The following CTNNA3 variants were observed in gnomAD, a reference collection of about 807,000 sequenced individuals.
CTNNA3 encodes catenin alpha-3.
In CTNNA3, 76 loss-of-function variants were observed where a neutral mutation model predicts 95.7. That is an observed-to-expected ratio of 0.79 (90% CI 0.66 to 0.96). The LOEUF is 0.96. CTNNA3 is among the 40% of genes least tolerant of loss of function. The pLI is 0.00. For synonymous variants in CTNNA3, 431 were observed against 374.4 expected (o/e 1.15, Z -1.74); for missense variants, 1,191 against 1,089.8 (o/e 1.09, Z -1.31).
intron 5 of CTNNA3, among the ~76,000 whole-genome samples, chr10:67,252,627 G>A (rs1000463382): frequency 2.0e-5 from 3 of 152,124 alleles, no homozygotes; most frequent in Non-Finnish European, 2.9e-5. Flanking sequence ...ATGCCCACAG[G>A]ATGACATGAA....
intron 13 of CTNNA3, among the ~76,000 whole-genome samples, chr10:66,274,152 T>A (rs1312794413): frequency 6.6e-6 from 1 of 152,210 alleles, no homozygotes; most frequent in Non-Finnish European, 1.5e-5. Flanking sequence ...TGAGCCATTA[T>A]AGTCTCCTCA....
rs1279977520 is a variant in CTNNA3, at chr10:66,775,455, G to A, written c.1117C>T (p.Leu373Phe). The change falls in exon 8 of 18, where the codon CTT (leucine) becomes TTT (phenylalanine). Residue 373 changes from leucine (L) to phenylalanine (F), a missense_variant. Physicochemically the swap from Leu to Phe is conservative, Grantham distance 22 (BLOSUM62 0). Coordinates refer to ENST00000433211, the MANE Select transcript of CTNNA3 (RefSeq NM_013266.4). ...LDNMCKKTRD[L>F]RRQLRKAIID... Reference sequence around the variant, plus strand: ...CTCTCTTCCCTCACCTGTCTGCGAAGGTCTCTTGTCTTCTTACACATGTTG... The same window carrying A: ...CTCTCTTCCCTCACCTGTCTGCGAAAGTCTCTTGTCTTCTTACACATGTTG... The A allele has an allele frequency of 1.2e-6, 2 of 1,608,894 alleles. No homozygotes were observed. Among genetic ancestry groups the A allele is most frequent in the Admixed American group, 3.4e-5 (2 of 59,444 alleles).
At chr10:66,686,531 T>C (rs1163601224) in intron 9 of CTNNA3, among the ~76,000 whole-genome samples, 1 of 152,196 alleles carries the variant, frequency 6.6e-6, no homozygotes, top group African/African-American at 2.4e-5. Context: ...TTTTCTTTTC[T>C]TCTCTCTACT....
At chr10:67,638,009 A>C (rs1839384031) in intron 2 of CTNNA3, among the ~76,000 whole-genome samples, 1 of 152,208 alleles carries the variant, frequency 6.6e-6, no homozygotes, top group Non-Finnish European at 1.5e-5. Flanking sequence ...ATTCACACAT[A>C]ACAATATTAA....
chr10:67,166,784 A>T (rs928681333), intron 7 of CTNNA3, among the ~76,000 whole-genome samples: 2 of 152,208 alleles, frequency 1.3e-5, no homozygotes, highest in Admixed American at 6.5e-5. Context: ...ATTGTGTAAG[A>T]AGCCATTGCA....
chr10:67,449,683 G>A (rs1273716805), intron 5 of CTNNA3, among the ~76,000 whole-genome samples: 1 of 152,042 alleles, frequency 6.6e-6, no homozygotes, highest in African/African-American at 2.4e-5. Context: ...AGACTTAAAT[G>A]TAAAATCCAA....
At chr10:67,414,428 G>T (rs1230570092) in intron 5 of CTNNA3, among the ~76,000 whole-genome samples, 1 of 152,052 alleles carries the variant, frequency 6.6e-6, no homozygotes, top group African/African-American at 2.4e-5. Flanking sequence ...TTCTGAAATT[G>T]AATCAATAAT....
intron 7 of CTNNA3, among the ~76,000 whole-genome samples, chr10:66,990,012 C>T (rs16923892): frequency 0.016 from 2,456 of 152,200 alleles, 90 homozygotes; most frequent in East Asian, 0.16. Context: ...ATATATTATA[C>T]GAAGAGAAAT....
chr10:67,345,276 G>C (rs1842367235), intron 5 of CTNNA3, among the ~76,000 whole-genome samples: 1 of 152,038 alleles, frequency 6.6e-6, no homozygotes, highest in Non-Finnish European at 1.5e-5. Context: ...CTATCCTTGA[G>C]AATAATCCAC....
chr10:66,478,532 CA>C (rs1489809681), intron 11 of CTNNA3, among the ~76,000 whole-genome samples: 1 of 151,506 alleles, frequency 6.6e-6, no homozygotes, highest in East Asian at 1.9e-4. Context: ...CATATGTAAA[CA>C]AATTTCACTG....
chr10:65,959,547 C>T (rs1326748571), intron 17 of CTNNA3, among the ~76,000 whole-genome samples: 1 of 152,096 alleles, frequency 6.6e-6, no homozygotes, highest in East Asian at 1.9e-4. Flanking sequence ...TGTTTTGAGA[C>T]AAGGTCTGGC....
At chr10:65,966,508 T>G in intron 17 of CTNNA3, 104 bp downstream of exon 17, 1 of 1,001,482 alleles carries the variant, frequency 1.0e-6, no homozygotes, top group East Asian at 2.7e-5. Flanking sequence ...TTAGTTTTTC[T>G]AAACTAATTT....
intron 15 of CTNNA3, among the ~76,000 whole-genome samples, chr10:66,004,481 T>C (rs1467170710): frequency 6.6e-6 from 1 of 152,130 alleles, no homozygotes; most frequent in Non-Finnish European, 1.5e-5. Context: ...TTTTGGTTCA[T>C]AGAGACATGT....
intron 12 of CTNNA3, among the ~76,000 whole-genome samples, chr10:66,304,109 A>C (rs1044226823): frequency 6.6e-6 from 1 of 152,166 alleles, no homozygotes; most frequent in Non-Finnish European, 1.5e-5. Flanking sequence ...TATTTCAAAG[A>C]AGTGAAATAA....
At chr10:66,772,503 C>T (rs974190766) in intron 8 of CTNNA3, among the ~76,000 whole-genome samples, 7 of 150,386 alleles carry the variant, frequency 4.7e-5, no homozygotes, top group African/African-American at 7.3e-5. Context: ...CACAACACTG[C>T]GAAGGAGAGC....
At chr10:66,372,533 A>G (rs149743043) in intron 12 of CTNNA3, among the ~76,000 whole-genome samples, 1 of 152,302 alleles carries the variant, frequency 6.6e-6, no homozygotes, top group East Asian at 1.9e-4. Context: ...ATGCCAATTC[A>G]TCTCCACTGT....
At position 67,164,490 on chromosome 10, in the gene CTNNA3, C is replaced by T. The variant is rs139969131; in HGVS notation, c.1047+15827G>A. The stretch of plus-strand genomic sequence containing the variant: ...ACAAAATCAAATGTAAAATATAAAA[C>T]GTTTAGGAAAATAGCAGAAAAGAAA... On this transcript the variant is annotated intron_variant, in intron 7 of 17. Transcript: ENST00000433211. Among the ~76,000 whole-genome samples the T allele has an allele frequency of 1.1e-4, 17 of 152,108 alleles. No homozygotes were observed. The East Asian group carries it at 3.3e-3, about 29-fold the overall frequency.
At chr10:67,727,366 GTATA>G (rs1841241458) in intron 1 of CTNNA3, among the ~76,000 whole-genome samples, 2 of 129,262 alleles carry the variant, frequency 1.5e-5, no homozygotes, top group East Asian at 4.2e-4. Context: ...ATACATATAT[GTATA>G]TATGTATGTT....
chr10:66,184,779 T>G (rs562852971), intron 13 of CTNNA3, among the ~76,000 whole-genome samples: 1 of 152,330 alleles, frequency 6.6e-6, no homozygotes, highest in South Asian at 2.1e-4. Context: ...CCTCTTATCA[T>G]TATGTATTGA....
Sources: allele counts gnomAD v4.1 joint callset (sites outside exome capture counted in the v4.1 genomes callset), GRCh38; gene constraint gnomAD v4.1.1; transcripts MANE v1.5; gene names NCBI Gene and HGNC (gene_info 2026-07-23, HGNC 2026-07-21).